The following ITGA9 variants were observed in gnomAD, a reference collection of about 807,000 sequenced individuals.
ITGA9 encodes the protein integrin subunit alpha 9, also known as integrin alpha-9.
A neutral mutation model predicts 127.8 loss-of-function variants in ITGA9; 56 were observed. The observed-to-expected ratio is 0.44, with a 90% CI of 0.35 to 0.55. The LOEUF is 0.55. Ranked by LOEUF, ITGA9 falls within the 20% of genes least tolerant of loss-of-function variation. The probability of loss-of-function intolerance (pLI) is 0.00; values close to 1 mark genes in which losing one functional copy is unlikely to be tolerated. For missense variants in ITGA9, 1,196 were observed against 1,347.1 expected (o/e 0.89, Z 1.76); for synonymous variants, 508 against 514.5 (o/e 0.99, Z 0.17).
chr3:37,657,874 G>GC (rs1381633253), intron 17 of ITGA9, among the ~76,000 whole-genome samples: 1 of 152,144 alleles, frequency 6.6e-6, no homozygotes, highest in Non-Finnish European at 1.5e-5. Flanking sequence ...GTGTGTCCCA[G>GC]CAATTCTGGT....
At chr3:37,499,773 C>T (rs116039741) in intron 5 of ITGA9, among the ~76,000 whole-genome samples, 3,012 of 152,032 alleles carry the variant, frequency 0.02, 101 homozygotes, top group African/African-American at 0.067. Flanking sequence ...TGGCGTGGTG[C>T]GGTAAAAACA....
chr3:37,531,095 G>T (rs2077072), intron 13 of ITGA9, among the ~76,000 whole-genome samples: 2 of 151,696 alleles, frequency 1.3e-5, no homozygotes. Context: ...AGCGCTTGTG[G>T]TGCTGTCCTT....
chr3:37,718,113 A>G (rs192174671), intron 18 of ITGA9, among the ~76,000 whole-genome samples: 27 of 152,376 alleles, frequency 1.8e-4, no homozygotes, highest in African/African-American at 6.3e-4. Flanking sequence ...TTACAAAGGC[A>G]TATGGCCCAA....
chr3:37,793,614 G>A (rs931017217), intron 26 of ITGA9, among the ~76,000 whole-genome samples: 6 of 152,016 alleles, frequency 3.9e-5, no homozygotes, highest in Non-Finnish European at 5.9e-5. Context: ...GTCTTGGGCT[G>A]GATTCTCAAG....
At chr3:37,666,152 G>A (rs981816320) in intron 17 of ITGA9, among the ~76,000 whole-genome samples, 7 of 152,204 alleles carry the variant, frequency 4.6e-5, no homozygotes, top group African/African-American at 1.7e-4. Flanking sequence ...TCATGATCAC[G>A]ATGGGAATAT....
At chr3:37,585,546 A>T in intron 15 of ITGA9, 1 of 495,948 alleles carries the variant, frequency 2.0e-6, no homozygotes, top group Non-Finnish European at 4.1e-6. Flanking sequence ...TTAGGGAGGG[A>T]TTCTTTCAAG....
At chr3:37,524,309 T>C (rs1388142608) in intron 12 of ITGA9, among the ~76,000 whole-genome samples, 3 of 152,226 alleles carry the variant, frequency 2.0e-5, no homozygotes, top group African/African-American at 7.2e-5. Flanking sequence ...TCCAGAATGG[T>C]CATGGAATTC....
At chr3:37,703,124 TC>T (rs547132654) in intron 18 of ITGA9, among the ~76,000 whole-genome samples, 2 of 152,060 alleles carry the variant, frequency 1.3e-5, no homozygotes, top group African/African-American at 4.8e-5. Flanking sequence ...AACAGACAGG[TC>T]CCCCCCTTTT....
intron 3 of ITGA9, among the ~76,000 whole-genome samples, chr3:37,478,558 C>G (rs970564800): frequency 3.3e-5 from 5 of 152,200 alleles, no homozygotes; most frequent in South Asian, 4.1e-4. Context: ...TGAGTTTGAG[C>G]AAGTCTTGCT....
chr3:37,585,722 G>T, intron 15 of ITGA9: 1 of 491,444 alleles, frequency 2.0e-6, no homozygotes, highest in Non-Finnish European at 4.1e-6. Context: ...CTTTATTTGC[G>T]AAGGGGTGGT....
At position 37,542,595 on chromosome 3, in the gene ITGA9, C is replaced by T. The variant is rs147277452; in HGVS notation, c.1689+10C>T. ...TGTGGCCCATGTGAAGGTCAGTCCT[C>T]TCCTCCTTTTTATCCTCAAACTTTG... On this transcript the variant is annotated intron_variant, in intron 15 of 27. Coordinates refer to ENST00000264741, the MANE Select transcript of ITGA9 (RefSeq NM_002207.3). The T allele has an allele frequency of 9.1e-4, 1,473 of 1,613,996 alleles. 13 individuals carry two copies. In the African/African-American group the frequency reaches 0.017, roughly 19 times the overall value.
intron 27 of ITGA9, 98 bp from the exon 28 acceptor site, chr3:37,818,793 G>A: frequency 1.2e-6 from 1 of 855,234 alleles, no homozygotes; most frequent in South Asian, 1.4e-5. Flanking sequence ...AGCCCTGTGA[G>A]TGCAGGTCAC....
At chr3:37,782,916 T>G (rs554271016) in intron 25 of ITGA9, among the ~76,000 whole-genome samples, 19 of 152,254 alleles carry the variant, frequency 1.2e-4, no homozygotes, top group South Asian at 8.3e-4. Flanking sequence ...GAGGTGGGCA[T>G]ATCACAAGGT....
chr3:37,734,653 C>G, intron 19 of ITGA9, among the ~76,000 whole-genome samples: 1 of 152,186 alleles, frequency 6.6e-6, no homozygotes, highest in Non-Finnish European at 1.5e-5. Context: ...CCATGCCCAG[C>G]TAATTTTTTG....
rs750822156 is a variant in ITGA9, at chr3:37,793,120, CATT to C, written c.2889+8049_2889+8051del. Among the ~76,000 whole-genome samples the C allele has an allele frequency of 1.6e-4, 25 of 151,834 alleles. 1 individual carries two copies. Among genetic ancestry groups the C allele is most frequent in the Non-Finnish European group, 3.7e-4 (25 of 67,990 alleles). ...TCGTCATGATGAGTATGATCATCAT[CATT>C]ATTATTTTTAGGCAACAGAACCCAT... is the stretch of plus-strand genomic sequence containing the variant. On this transcript the variant is annotated intron_variant, in intron 26 of 27. Coordinates refer to ENST00000264741, the MANE Select transcript of ITGA9 (RefSeq NM_002207.3).
chr3:37,554,157 CGAT>C (rs1205523060), intron 15 of ITGA9, among the ~76,000 whole-genome samples: 2 of 151,768 alleles, frequency 1.3e-5, no homozygotes, highest in Non-Finnish European at 2.9e-5. Flanking sequence ...CATTAGAAGG[CGAT>C]GAGGCTATGG....
intron 15 of ITGA9, among the ~76,000 whole-genome samples, chr3:37,551,266 G>T (rs1341538681): frequency 6.6e-6 from 1 of 152,028 alleles, no homozygotes; most frequent in Non-Finnish European, 1.5e-5. Context: ...TGCACATTTG[G>T]GATTCTGTTC....
chr3:37,609,361 A>T (rs1222021574), intron 15 of ITGA9, among the ~76,000 whole-genome samples: 1 of 152,164 alleles, frequency 6.6e-6, no homozygotes, highest in African/African-American at 2.4e-5. Context: ...TAAGCTCCCC[A>T]TGACGCAAGA....
intron 15 of ITGA9, among the ~76,000 whole-genome samples, chr3:37,609,359 C>T (rs939440694): frequency 6.6e-6 from 1 of 152,178 alleles, no homozygotes; most frequent in African/African-American, 2.4e-5. Flanking sequence ...TGTAAGCTCC[C>T]CATGACGCAA....
Sources: gnomAD v4.1 joint callset for allele counts (sites outside exome capture counted in the v4.1 genomes callset) on GRCh38, gnomAD v4.1.1 for gene constraint, MANE v1.5 for transcripts, NCBI Gene and HGNC (gene_info 2026-07-23, HGNC 2026-07-21) for gene names.